The following MGMT variants were observed in gnomAD, a reference collection of about 807,000 sequenced individuals.
The protein encoded by MGMT is methylated-DNA--protein-cysteine methyltransferase.
Under a neutral mutation model 15.9 loss-of-function variants are expected in MGMT, and 14 were observed. The observed-to-expected ratio is 0.88, with a 90% confidence interval of 0.58 to 1.37. The LOEUF (loss-of-function observed/expected upper bound fraction) is 1.37. Among genes scored for constraint, MGMT ranks in the 40% most tolerant of loss-of-function variants. The pLI, the probability that MGMT is intolerant of heterozygous loss-of-function variation, is 0.00. For synonymous variants in MGMT, 130 were observed against 118.2 expected (o/e 1.10, Z -0.65); for missense variants, 282 against 268.1 (o/e 1.05, Z -0.36).
rs1024096403 is a variant in MGMT, at chr10:129,635,614, T to A, written c.126-72281T>A. Among the ~76,000 whole-genome samples, 13 of 152,374 alleles carry A rather than the reference T, an allele frequency of 8.5e-5. No homozygotes were observed. In the East Asian group the frequency reaches 2.5e-3, roughly 29 times the overall value. The stretch of plus-strand genomic sequence containing the variant: ...AAGTGCTGGGGTGTTTTTTAAAAAA[T>A]AATTGTAAGATACATAATTTAAAGC... On this transcript the variant is annotated intron_variant, in intron 2 of 4. Coordinates refer to ENST00000651593, the MANE Select transcript of MGMT (RefSeq NM_002412.5).
At chr10:129,650,242 G>T (rs1054434163) in intron 2 of MGMT, among the ~76,000 whole-genome samples, 4 of 152,128 alleles carry the variant, frequency 2.6e-5, no homozygotes, top group African/African-American at 9.7e-5. Context: ...CAGCCTTGAG[G>T]TGCTTTTGTG....
rs772866238 is a variant in MGMT at position 129,556,552 on chromosome 10, G to A, written c.125+20175G>A. Among the ~76,000 whole-genome samples, 4 of 152,184 alleles carry A rather than the reference G, an allele frequency of 2.6e-5. No individual in the cohort carries two copies. Among genetic ancestry groups the A allele is most frequent in the Non-Finnish European group, 4.4e-5 (3 of 68,038 alleles). On this transcript the variant is annotated intron_variant, in intron 2 of 4. Coordinates refer to ENST00000651593, the MANE Select transcript of MGMT (RefSeq NM_002412.5). The surrounding 1 kb of genome is among the most constrained non-coding windows in gnomAD (Gnocchi z 4.3). ...AGCCCTGGCGGAAGAACGCAGCCTC[G>A]TCGGTGGGTTTGGTGATGCTGTGCA...
chr10:129,722,102 T>C (rs74325492), intron 3 of MGMT, among the ~76,000 whole-genome samples: 2,033 of 152,146 alleles, frequency 0.013, 29 homozygotes, highest in South Asian at 0.05. Flanking sequence ...CAGAAAGATA[T>C]AAGTAAAATT....
intron 1 of MGMT, among the ~76,000 whole-genome samples, chr10:129,489,292 G>A (rs532614156): frequency 3.5e-4 from 52 of 149,746 alleles, no homozygotes; most frequent in African/African-American, 1.1e-3. Flanking sequence ...CCCGGGAAGC[G>A]GAGGTTGCAG....
At chr10:129,506,354 G>A (rs780512536) in intron 1 of MGMT, among the ~76,000 whole-genome samples, 1 of 152,090 alleles carries the variant, frequency 6.6e-6, no homozygotes, top group African/African-American at 2.4e-5. Context: ...CATCCTCTTG[G>A]GCAGGATTCT....
chr10:129,596,805 C>T (rs1457388618), intron 2 of MGMT, among the ~76,000 whole-genome samples: 1 of 152,222 alleles, frequency 6.6e-6, no homozygotes, highest in African/African-American at 2.4e-5. Context: ...GGTTCAGCTT[C>T]TTGCATTGAG....
intron 2 of MGMT, among the ~76,000 whole-genome samples, chr10:129,635,846 T>C (rs1847259334): frequency 6.6e-6 from 1 of 152,176 alleles, no homozygotes; most frequent in South Asian, 2.1e-4. Context: ...AGACCAGGCC[T>C]GCATCTGTCA....
At chr10:129,559,398 T>G (rs1466004400) in intron 2 of MGMT, among the ~76,000 whole-genome samples, 1 of 152,180 alleles carries the variant, frequency 6.6e-6, no homozygotes. Flanking sequence ...AAATTAGGTA[T>G]GTCTGAGTAT....
chr10:129,753,487 C>A (rs563068015), intron 3 of MGMT, among the ~76,000 whole-genome samples: 42 of 152,068 alleles, frequency 2.8e-4, no homozygotes, highest in African/African-American at 9.6e-4. Context: ...CTCACGTGTT[C>A]TCTTTTTGTC....
At chr10:129,546,301 C>T (rs575222616) in intron 2 of MGMT, among the ~76,000 whole-genome samples, 62 of 152,326 alleles carry the variant, frequency 4.1e-4, no homozygotes, top group African/African-American at 1.3e-3. Context: ...CTCAAGACAG[C>T]GGCTGGCAGG....
At chr10:129,589,849 A>T (rs372294587) in intron 2 of MGMT, among the ~76,000 whole-genome samples, 15 of 152,308 alleles carry the variant, frequency 9.8e-5, no homozygotes, top group African/African-American at 3.6e-4. Flanking sequence ...ATCAGAGCCA[A>T]TGGGAGCTGG....
At chr10:129,651,769 C>T (rs1352130225) in intron 2 of MGMT, among the ~76,000 whole-genome samples, 1 of 152,106 alleles carries the variant, frequency 6.6e-6, no homozygotes, top group African/African-American at 2.4e-5. Context: ...ATTCACCCAT[C>T]AAAAGGAAGA....
At chr10:129,642,906 T>G (rs1363005242) in intron 2 of MGMT, among the ~76,000 whole-genome samples, 2 of 151,094 alleles carry the variant, frequency 1.3e-5, no homozygotes, top group Non-Finnish European at 2.9e-5. Context: ...CATTCCAGCC[T>G]GGGCTGCAGA....
intron 2 of MGMT, among the ~76,000 whole-genome samples, chr10:129,643,018 C>T (rs1237516454): frequency 1.3e-5 from 2 of 152,096 alleles, no homozygotes; most frequent in Non-Finnish European, 2.9e-5. Flanking sequence ...GCTGGGCGAG[C>T]GAATGTGTAG....
At chr10:129,667,244 C>T (rs575152087) in intron 2 of MGMT, among the ~76,000 whole-genome samples, 3 of 152,238 alleles carry the variant, frequency 2.0e-5, no homozygotes, top group East Asian at 1.9e-4. Flanking sequence ...AACCCTATTC[C>T]GACTTTTCTG....
chr10:129,520,708 A>C (rs1203079665), intron 1 of MGMT, among the ~76,000 whole-genome samples: 57 of 116,910 alleles, frequency 4.9e-4, no homozygotes, highest in African/African-American at 1.3e-3. Context: ...CCCTACGGTG[A>C]GGGTGCAGAC....
In MGMT at chr10:129,532,273, G is replaced by C. The variant is rs1017339161; in HGVS notation, c.-12-3968G>C. Among the ~76,000 whole-genome samples, 2 of 152,226 alleles carry C rather than the reference G, an allele frequency of 1.3e-5. No homozygotes were observed. Among genetic ancestry groups the C allele is most frequent in the African/African-American group, 2.4e-5 (1 of 41,460 alleles). On this transcript the variant is annotated intron_variant, in intron 1 of 4. Transcript: ENST00000651593. The surrounding 1 kb of genome is among the most constrained non-coding windows in gnomAD (Gnocchi z 5.3). ...TAGGGTCCCTTGGGCCAGCAGCTGG[G>C]GTCCTTGGGCATTTCCTGGGTGGCG...
At chr10:129,554,895 C>T (rs1049725909) in intron 2 of MGMT, among the ~76,000 whole-genome samples, 1 of 152,142 alleles carries the variant, frequency 6.6e-6, no homozygotes, top group Non-Finnish European at 1.5e-5. Flanking sequence ...TTCCTAACTC[C>T]TCTACTTTAC....
At chr10:129,646,211 C>T (rs1415246057) in intron 2 of MGMT, among the ~76,000 whole-genome samples, 6 of 152,082 alleles carry the variant, frequency 3.9e-5, no homozygotes, top group Non-Finnish European at 7.4e-5. Context: ...ACTCTGAGGC[C>T]CCACCTTGTG....
Sources: allele counts gnomAD v4.1 joint callset (sites outside exome capture counted in the v4.1 genomes callset), GRCh38; gene constraint gnomAD v4.1.1; non-coding constraint Gnocchi (gnomAD v3.1); transcripts MANE v1.5; gene names NCBI Gene and HGNC (gene_info 2026-07-23, HGNC 2026-07-21).